The following MYO18A variants were observed in gnomAD, a reference collection of about 807,000 sequenced individuals.
MYO18A encodes myosin XVIIIA.
A neutral mutation model predicts 235.8 loss-of-function variants in MYO18A; 78 were observed. The ratio of observed to expected loss-of-function variants is 0.33; its 90% CI spans 0.28 to 0.40. The LOEUF (loss-of-function observed/expected upper bound fraction) is 0.40, where lower values mean the gene tolerates loss of function less well. Ranked by LOEUF, MYO18A falls within the 10% of genes least tolerant of loss-of-function variation. The pLI is 1.00. For missense variants in MYO18A, 2,215 were observed against 2,699.3 expected (o/e 0.82, Z 3.98); for synonymous variants, 977 against 1,077.8 (o/e 0.91, Z 1.83).
chr17:29,177,064 T>C (rs1464426471), intron 1 of MYO18A, among the ~76,000 whole-genome samples: 1 of 152,226 alleles, frequency 6.6e-6, no homozygotes, highest in Non-Finnish European at 1.5e-5. Context: ...CCCTTCCGTG[T>C]GACCTTGAGC....
intron 21 of MYO18A, among the ~76,000 whole-genome samples, chr17:29,102,720 C>T (rs145306280): frequency 1.2e-4 from 18 of 152,298 alleles, no homozygotes; most frequent in African/African-American, 3.8e-4. Flanking sequence ...TTGACAGAGA[C>T]GAAGGGCAGG....
intron 2 of MYO18A, among the ~76,000 whole-genome samples, chr17:29,161,523 A>G (rs2068174371): frequency 6.6e-6 from 1 of 151,028 alleles, no homozygotes; most frequent in Non-Finnish European, 1.5e-5. Flanking sequence ...AAAAAAAAAA[A>G]GAAAAATGCT....
At position 29,107,112 on chromosome 17, in the gene MYO18A, C is replaced by T. The variant is rs867927990; in HGVS notation, c.3409G>A (p.Gly1137Arg). The change falls in exon 20 of 42, where the codon GGG (glycine) becomes AGG (arginine). Residue 1137 changes from glycine to arginine, a missense_variant. Gly to Arg is a moderately radical substitution (Grantham distance 125, BLOSUM62 -2). Coordinates refer to ENST00000527372, the MANE Select transcript of MYO18A (RefSeq NM_078471.4). Reference sequence around the variant, plus strand: ...TCATCCACCACGATGTAGTTACGCCCGTGTTTCTTGGTCAGGTGCGGGGCC... The same window carrying T: ...TCATCCACCACGATGTAGTTACGCCTGTGTTTCTTGGTCAGGTGCGGGGCC... Reference protein sequence around the residue: ...VLAPHLTKKHGRNYIVVDERR... With the variant: ...VLAPHLTKKHRRNYIVVDERR... The T allele has an allele frequency of 7.4e-6, 12 of 1,613,994 alleles. No homozygotes were observed. Among genetic ancestry groups the T allele is most frequent in the East Asian group, 4.5e-5 (2 of 44,878 alleles).
rs746606174 is a variant in MYO18A, at chr17:29,121,246, C to T, written c.1372-35G>A. The T allele has an allele frequency of 1.1e-5, 18 of 1,566,764 alleles. No individual in the cohort carries two copies. The highest frequency in any genetic ancestry group is 1.4e-5 in the Non-Finnish European group (16 of 1,154,632). ...GAGAGCAAGGGAGAGAAGGGGTTGGCTCTTAGCTGATCCCATTAAGACACC... is the reference window on the plus strand; with the variant it reads ...GAGAGCAAGGGAGAGAAGGGGTTGGTTCTTAGCTGATCCCATTAAGACACC... On this transcript the variant is annotated intron_variant, in intron 5 of 41. Transcript: ENST00000527372. This position sits in a 1 kb window ranked among gnomAD's most constrained non-coding sequence, Gnocchi z 4.2.
chr17:29,164,107 C>G (rs2068230966), intron 2 of MYO18A, among the ~76,000 whole-genome samples: 1 of 152,144 alleles, frequency 6.6e-6, no homozygotes, highest in Non-Finnish European at 1.5e-5. Context: ...TCAGGCTGGT[C>G]TCGAACTCCC....
chr17:29,176,950 C>A (rs924288610), intron 1 of MYO18A, among the ~76,000 whole-genome samples: 6 of 152,212 alleles, frequency 3.9e-5, no homozygotes, highest in African/African-American at 1.4e-4. Context: ...AGGCAGCAAT[C>A]CCGCGGGCCA....
chr17:29,107,808 C>T (rs548631866), intron 19 of MYO18A: 8 of 151,042 alleles, frequency 5.3e-5, no homozygotes, highest in Admixed American at 2.0e-4. Flanking sequence ...CCCAGCTACT[C>T]AGGAGGCCGA....
In MYO18A at chr17:29,082,366, G is replaced by A. The variant is rs751185065; in HGVS notation, c.5970C>T (p.Asn1990=). ...VDGVKSWLSK[N]KGPSKAASDD... ...CAGAAGCTGCCTTGGAAGGTCCCTT[G>A]TTTTTTGACAACCAGGACTTGACCC... Residue 1990 remains asparagine, a synonymous_variant, in exon 41 of 42, where the codon AAC becomes AAT. Coordinates refer to ENST00000527372, the MANE Select transcript of MYO18A (RefSeq NM_078471.4). 2 of 1,614,010 alleles carry A rather than the reference G, an allele frequency of 1.2e-6. No homozygotes were observed. Among genetic ancestry groups the A allele is most frequent in the African/African-American group, 1.3e-5 (1 of 75,060 alleles).
intron 31 of MYO18A, 54 bp downstream of exon 31, chr17:29,093,926 G>T: frequency 2.3e-6 from 3 of 1,324,466 alleles, no homozygotes; most frequent in Non-Finnish European, 1.1e-6. Flanking sequence ...TTACTTTAAA[G>T]CGGTGATGGG....
intron 2 of MYO18A, among the ~76,000 whole-genome samples, chr17:29,128,853 G>A (rs2067390604): frequency 6.6e-6 from 1 of 152,206 alleles, no homozygotes. Context: ...GCGCCGAGAG[G>A]CCTATGAGGT....
chr17:29,071,662 G>T lies in MYO18A; in HGVS notation c.*3108C>A, dbSNP rs761256453. 1.3e-5 allele frequency: 2 copies of T among 152,086 alleles called. No individual in the cohort carries two copies. Among genetic ancestry groups the T allele is most frequent in the African/African-American group, 2.4e-5 (1 of 41,398 alleles). 9.4% of individuals were successfully genotyped at this position (152,086 alleles called of 1,614,324 possible). A position where few individuals can be genotyped will look rare whatever the true frequency, so the allele number is the denominator to read the frequency against. On this transcript the variant is annotated 3_prime_UTR_variant, in exon 42 of 42. Coordinates refer to ENST00000527372, the MANE Select transcript of MYO18A (RefSeq NM_078471.4). ...TTTAGAGGCTTTCCCAATCCTCCCC[G>T]CCAAAGAGAGCATCTCCCTCCATAG...
intron 2 of MYO18A, among the ~76,000 whole-genome samples, chr17:29,161,613 G>C (rs2068176412): frequency 6.6e-6 from 1 of 152,162 alleles, no homozygotes; most frequent in African/African-American, 2.4e-5. Context: ...AGCTGGGTGG[G>C]CTTTTCTGAG....
In MYO18A at chr17:29,126,061, G is replaced by T. The variant is rs2067313260; in HGVS notation, c.1000-3808C>A. 1.5e-6 allele frequency: 1 copy of T among 655,076 alleles called. No individual in the cohort carries two copies. Among genetic ancestry groups the T allele is most frequent in the Non-Finnish European group, 1.9e-6 (1 of 527,366 alleles). 40.6% of individuals were successfully genotyped at this position (655,076 alleles called of 1,614,324 possible). A position where few individuals can be genotyped will look rare whatever the true frequency, so the allele number is the denominator to read the frequency against. On this transcript the variant is annotated intron_variant, in intron 2 of 41. Coordinates refer to ENST00000527372, the MANE Select transcript of MYO18A (RefSeq NM_078471.4). The surrounding 1 kb of genome is among the most constrained non-coding windows in gnomAD (Gnocchi z 4.1). ...CAGGAAGCCACTGGGACCCACTAGG[G>T]AAGGGGAGCAGCGCCAGGGAGCAAG... is the stretch of plus-strand genomic sequence containing the variant.
chr17:29,110,249 G>A, intron 18 of MYO18A, 148 bp from the exon 19 acceptor site: 2 of 1,319,230 alleles, frequency 1.5e-6, no homozygotes, highest in East Asian at 2.5e-5. Flanking sequence ...CTCTGCCCTC[G>A]CCGGGCCTCG....
At chr17:29,124,573 C>T in intron 2 of MYO18A, 1 of 1,116,424 alleles carries the variant, frequency 9.0e-7, no homozygotes, top group Non-Finnish European at 1.1e-6. Flanking sequence ...AGCACAGACG[C>T]CAGCCCAGGT....
chr17:29,107,573 T>C (rs1446294215), intron 19 of MYO18A: 1 of 127,486 alleles, frequency 7.8e-6, no homozygotes, highest in African/African-American at 3.3e-5. Context: ...GCCTCAGTGA[T>C]AACCCAGACA....
chr17:29,108,666 G>A (rs1421745861), intron 19 of MYO18A, among the ~76,000 whole-genome samples: 1 of 152,232 alleles, frequency 6.6e-6, no homozygotes, highest in African/African-American at 2.4e-5. Context: ...TGAGGCTGAT[G>A]CATGTGCCTG....
At chr17:29,080,209 G>A (rs1402153868) in intron 41 of MYO18A, 2 of 985,888 alleles carry the variant, frequency 2.0e-6, no homozygotes, top group African/African-American at 3.5e-5. Flanking sequence ...CTCGGAGTCG[G>A]GCTCCAGGCT....
chr17:29,090,466 G>A, intron 36 of MYO18A, 66 bp downstream of exon 36: 5 of 1,411,272 alleles, frequency 3.5e-6, no homozygotes, highest in African/African-American at 1.4e-5. Flanking sequence ...CTGTGAACTT[G>A]GGGGTTCCTC....
Sources: gnomAD v4.1 joint callset for allele counts (sites outside exome capture counted in the v4.1 genomes callset) on GRCh38, gnomAD v4.1.1 for gene constraint, Gnocchi (gnomAD v3.1) non-coding constraint, MANE v1.5 for transcripts, NCBI Gene and HGNC (gene_info 2026-07-23, HGNC 2026-07-21) for gene names.